Variants in KIAA1671 observed in about 807,000 individuals in gnomAD.
KIAA1671 encodes the protein uncharacterized protein KIAA1671.
In KIAA1671, 52 loss-of-function variants were observed where a neutral mutation model predicts 131.2. The observed-to-expected ratio is 0.40, with a 90% confidence interval of 0.32 to 0.50. The LOEUF (loss-of-function observed/expected upper bound fraction) is 0.50. Among genes scored for constraint, KIAA1671 ranks in the 20% least tolerant of loss-of-function variants. The pLI, the probability that KIAA1671 is intolerant of heterozygous loss-of-function variation, is 0.73. For synonymous variants in KIAA1671, 1,003 were observed against 961.6 expected, an observed-to-expected ratio of 1.04 and a Z score of -0.80; for missense variants, 2,360 against 2,364.2, an observed-to-expected ratio of 1.00 and a Z score of 0.04.
At chr22:25,030,206 T>G (rs1476822338) in intron 3 of KIAA1671, among the ~76,000 whole-genome samples, 1 of 152,162 alleles carries the variant, frequency 6.6e-6, no homozygotes, top group Non-Finnish European at 1.5e-5. Flanking sequence ...TTCTAAGTCA[T>G]TTGGTTAATA....
chr22:24,971,704 C>T (rs533403467), intron 1 of KIAA1671, among the ~76,000 whole-genome samples: 6 of 152,102 alleles, frequency 3.9e-5, no homozygotes, highest in Admixed American at 1.3e-4. Flanking sequence ...ACTGAATTTG[C>T]ACCCAGAAAT....
intron 1 of KIAA1671, chr22:25,009,823 C>T (rs147749579): frequency 0.032 from 4,879 of 152,322 alleles, 111 homozygotes; most frequent in Non-Finnish European, 0.048. Flanking sequence ...ACCTTGTGAT[C>T]CGCCCTCCTC....
intron 1 of KIAA1671, among the ~76,000 whole-genome samples, chr22:24,978,711 TCTCA>T (rs774227942): frequency 2.0e-4 from 30 of 151,890 alleles, no homozygotes; most frequent in Non-Finnish European, 3.8e-4. Flanking sequence ...GTTTTGAGAG[TCTCA>T]CTCTGTCACC....
Position 25,152,513 on chromosome 22 carries a change from C to A in KIAA1671, c.4531-18307C>A, listed in dbSNP as rs116501945. On this transcript the variant is annotated intron_variant, in intron 6 of 12. Coordinates refer to ENST00000358431, the MANE Select transcript of KIAA1671 (RefSeq NM_001145206.2). ...TGACTAGTTGCCTAATTTCTCTGAGCTTCAGTTTTCTCCTGTATAAATGCC... is the reference window on the plus strand; with the variant it reads ...TGACTAGTTGCCTAATTTCTCTGAGATTCAGTTTTCTCCTGTATAAATGCC... 4.8e-3 allele frequency among the ~76,000 whole-genome samples: 724 copies of A among 152,332 alleles called. 6 individuals carry two copies. The highest frequency in any genetic ancestry group is 0.017 in the African/African-American group (702 of 41,572).
intron 1 of KIAA1671, chr22:25,011,915 G>A (rs1043674206): frequency 6.6e-6 from 1 of 152,206 alleles, no homozygotes; most frequent in African/African-American, 2.4e-5. Context: ...GGGATTACAG[G>A]CGTGGGCCAC....
At chr22:25,144,627 C>G (rs1218985323) in intron 6 of KIAA1671, among the ~76,000 whole-genome samples, 1 of 152,222 alleles carries the variant, frequency 6.6e-6, no homozygotes, top group African/African-American at 2.4e-5. Context: ...ATTTAACAAA[C>G]CCTAAACAAA....
chr22:25,092,954 C>G (rs928299538), intron 6 of KIAA1671, among the ~76,000 whole-genome samples: 3 of 152,136 alleles, frequency 2.0e-5, no homozygotes, highest in African/African-American at 7.2e-5. Flanking sequence ...ATGCAGGGAA[C>G]AGGGAGGGTG....
chr22:25,155,504 A>G (rs1186308859), intron 6 of KIAA1671, among the ~76,000 whole-genome samples: 1 of 151,300 alleles, frequency 6.6e-6, no homozygotes, highest in Non-Finnish European at 1.5e-5. Context: ...TATTGGGTGC[A>G]TGTATTTATA....
intron 5 of KIAA1671, among the ~76,000 whole-genome samples, chr22:25,047,526 G>A (rs1927313912): frequency 2.1e-5 from 3 of 146,280 alleles, no homozygotes; most frequent in Middle Eastern, 7.6e-3. Context: ...AGGCTGAAGT[G>A]CAGTGGTGTG....
chr22:25,126,485 G>C (rs996903123), intron 6 of KIAA1671, among the ~76,000 whole-genome samples: 5 of 152,250 alleles, frequency 3.3e-5, no homozygotes, highest in African/African-American at 1.2e-4. Context: ...CATGCTGGCA[G>C]ATGACGTGTT....
At chr22:25,167,073 G>A (rs898975314) in intron 6 of KIAA1671, among the ~76,000 whole-genome samples, 6 of 151,886 alleles carry the variant, frequency 4.0e-5, no homozygotes, top group African/African-American at 7.3e-5. Context: ...AGCTGGGAGC[G>A]GGCTCAGATG....
intron 6 of KIAA1671, among the ~76,000 whole-genome samples, chr22:25,109,790 G>C (rs1931238609): frequency 6.6e-6 from 1 of 152,182 alleles, no homozygotes; most frequent in Non-Finnish European, 1.5e-5. Context: ...CTCAGAGTAG[G>C]CACCCTCTGA....
chr22:25,088,967 C>CA (rs1929878832), intron 6 of KIAA1671, among the ~76,000 whole-genome samples: 1 of 152,180 alleles, frequency 6.6e-6, no homozygotes, highest in Non-Finnish European at 1.5e-5. Context: ...AACCATAGAT[C>CA]AAAAACATTC....
chr22:24,968,544 G>A (rs1922424518), intron 1 of KIAA1671, among the ~76,000 whole-genome samples: 1 of 152,192 alleles, frequency 6.6e-6, no homozygotes, highest in Non-Finnish European at 1.5e-5. Flanking sequence ...CCATGGAATG[G>A]GGGTGCTGAT....
intron 12 of KIAA1671, among the ~76,000 whole-genome samples, chr22:25,191,171 A>G (rs146795465): frequency 0.017 from 2,436 of 145,394 alleles, 67 homozygotes; most frequent in African/African-American, 0.06. Flanking sequence ...TTTTTGAGAC[A>G]GAGTTTCGCC....
intron 1 of KIAA1671, among the ~76,000 whole-genome samples, chr22:24,956,623 T>C (rs1446182991): frequency 6.7e-6 from 1 of 150,330 alleles, no homozygotes; most frequent in Non-Finnish European, 1.5e-5. Flanking sequence ...TCCCAGCACT[T>C]TGAGAGGCCG....
intron 6 of KIAA1671, chr22:25,102,311 AGGTT>A (rs1410287003): frequency 2.6e-5 from 4 of 151,690 alleles, no homozygotes; most frequent in Non-Finnish European, 4.4e-5. Context: ...TTTAGTGGGA[AGGTT>A]GGCCTAGGTT....
chr22:25,039,143 G>C lies in KIAA1671; in HGVS notation c.2013G>C (p.Glu671Asp). The change falls in exon 5 of 13, where the codon GAG becomes GAC. Residue 671 changes from glutamate to aspartate, a missense_variant. Around this residue, in one of 3 missense-constraint regions of KIAA1671, gnomAD observed 1,185 missense variants for 1,126.2 expected, o/e 1.05. Transcript: ENST00000358431. ...DPPDMTKLKK[E>D]NSRGFDNPET... ...CAGACATGACAAAACTGAAGAAAGA[G>C]AACTCCAGAGGGTTTGACAATCCCG... The C allele has an allele frequency of 1.3e-6, 2 of 1,551,596 alleles. No homozygotes were observed. The highest frequency in any genetic ancestry group is 1.7e-6 in the Non-Finnish European group (2 of 1,147,024).
intron 3 of KIAA1671, among the ~76,000 whole-genome samples, chr22:25,030,598 G>T (rs1233945913): frequency 6.6e-6 from 1 of 152,110 alleles, no homozygotes; most frequent in African/African-American, 2.4e-5. Context: ...TAATACTGAT[G>T]TTCTAAGTCA....
Sources: allele counts gnomAD v4.1 joint callset (sites outside exome capture counted in the v4.1 genomes callset), GRCh38; gene constraint gnomAD v4.1.1; regional missense constraint gnomAD v4.1.1; transcripts MANE v1.5; gene names NCBI Gene and HGNC (gene_info 2026-07-23, HGNC 2026-07-21).